LRBA: variants seen among roughly 807,000 people sequenced by gnomAD.
LRBA encodes lipopolysaccharide-responsive and beige-like anchor protein.
Under a neutral mutation model 330.0 loss-of-function variants are expected in LRBA, and 176 were observed. That is an observed-to-expected ratio of 0.53 (90% confidence interval 0.47 to 0.60). LRBA has a LOEUF of 0.60. LRBA is among the 20% of genes least tolerant of loss of function. The pLI is 0.00. For missense variants in LRBA, 3,259 were observed against 3,444.8 expected, an observed-to-expected ratio of 0.95 and a Z score of 1.35; for synonymous variants, 1,230 against 1,193.0, an observed-to-expected ratio of 1.03 and a Z score of -0.64.
intron 33 of LRBA, among the ~76,000 whole-genome samples, chr4:150,801,901 T>C (rs935031720): frequency 1.3e-5 from 2 of 152,022 alleles, no homozygotes; most frequent in African/African-American, 4.8e-5. Context: ...CAGAGTGCAG[T>C]GGCTCATGCC....
At chr4:151,003,640 A>T (rs2149657680) in intron 2 of LRBA, among the ~76,000 whole-genome samples, 1 of 151,956 alleles carries the variant, frequency 6.6e-6, no homozygotes, top group African/African-American at 2.4e-5. Context: ...ACAAAATTTT[A>T]AAATTAGCCA....
At chr4:150,671,922 T>G (rs148657979) in intron 37 of LRBA, among the ~76,000 whole-genome samples, 10 of 152,274 alleles carry the variant, frequency 6.6e-5, no homozygotes, top group African/African-American at 2.4e-4. Context: ...CAAGGCAATA[T>G]GAAGGAACTG....
intron 31 of LRBA, 140 bp from the exon 32 acceptor site, chr4:150,808,538 T>A: frequency 1.8e-6 from 1 of 562,750 alleles, no homozygotes; most frequent in Non-Finnish European, 3.1e-6. Flanking sequence ...AACATTAAAA[T>A]CTAACAATTA....
At chr4:150,443,873 T>TATATATATATATATATA (rs1491391084) in intron 44 of LRBA, among the ~76,000 whole-genome samples, 30 of 18,594 alleles carry the variant, frequency 1.6e-3, no homozygotes, top group East Asian at 4.3e-3. Context: ...TATATATATA[T>TATATATATATATATATA]TTTTTTTTTT....
chr4:150,881,454 G>A (rs1025792415), intron 17 of LRBA, among the ~76,000 whole-genome samples: 1 of 152,102 alleles, frequency 6.6e-6, no homozygotes, highest in African/African-American at 2.4e-5. Flanking sequence ...GTTATAACTA[G>A]GAGCTAAATA....
chr4:150,526,365 T>C (rs1763474500), intron 40 of LRBA, among the ~76,000 whole-genome samples: 1 of 152,210 alleles, frequency 6.6e-6, no homozygotes, highest in Non-Finnish European at 1.5e-5. Flanking sequence ...TTTCCAAACC[T>C]ATGTTTCCTT....
chr4:150,302,789 C>A lies in LRBA; in HGVS notation c.7853G>T (p.Arg2618Ile). 1 of 1,583,702 alleles carries A rather than the reference C, an allele frequency of 6.3e-7. No individual in the cohort carries two copies. Among genetic ancestry groups the A allele is most frequent in the Non-Finnish European group, 8.6e-7 (1 of 1,165,514 alleles). ...SFRVYSTDTG[R>I]LIQVVFGHWD... Reference sequence around the variant, plus strand: ...ATGGCCAAACACCACTTGGATCAATCTTCCTGTAATGCAAAACAATTTTCT... The same window carrying A: ...ATGGCCAAACACCACTTGGATCAATATTCCTGTAATGCAAAACAATTTTCT... Residue 2618 changes from arginine (R) to isoleucine (I), a missense_variant, in exon 53 of 57, where the codon AGA becomes ATA. Transcript: ENST00000651943.
chr4:150,717,622 T>G (rs1246348846), intron 36 of LRBA, among the ~76,000 whole-genome samples: 1 of 150,324 alleles, frequency 6.7e-6, no homozygotes, highest in Non-Finnish European at 1.5e-5. Flanking sequence ...ATCGCACCAC[T>G]ACATTCCAGC....
chr4:150,986,013 G>T (rs1158542420), intron 2 of LRBA, among the ~76,000 whole-genome samples: 5 of 151,884 alleles, frequency 3.3e-5, no homozygotes, highest in African/African-American at 1.2e-4. Flanking sequence ...AGAGATGGGG[G>T]TCTCACTTTG....
intron 30 of LRBA, among the ~76,000 whole-genome samples, chr4:150,827,604 C>CTT (rs1215325451): frequency 1.4e-5 from 2 of 140,126 alleles, no homozygotes; most frequent in Admixed American, 7.2e-5. Flanking sequence ...CTTTTTTTTT[C>CTT]TTTTTTTTTT....
At chr4:150,834,572 A>G (rs1470960510) in intron 28 of LRBA, among the ~76,000 whole-genome samples, 1 of 152,214 alleles carries the variant, frequency 6.6e-6, no homozygotes, top group Non-Finnish European at 1.5e-5. Context: ...TCAGTAAGCC[A>G]TGTCGTAAGC....
intron 2 of LRBA, chr4:151,013,309 T>C (rs1022697628): frequency 6.6e-6 from 1 of 152,236 alleles, no homozygotes; most frequent in Admixed American, 6.5e-5. Context: ...CCAGATTTCC[T>C]TTTGATTCTT....
intron 47 of LRBA, among the ~76,000 whole-genome samples, chr4:150,389,676 CAAA>C (rs34170088): frequency 1.2e-5 from 1 of 80,070 alleles, no homozygotes; most frequent in South Asian, 5.0e-4. Context: ...GACTCTGTCT[CAAA>C]AAAAAAAAAA....
intron 37 of LRBA, among the ~76,000 whole-genome samples, chr4:150,630,302 G>A (rs980634489): frequency 6.6e-6 from 1 of 152,110 alleles, no homozygotes; most frequent in African/African-American, 2.4e-5. Flanking sequence ...ATCCTAAAAA[G>A]ATGTGTTGAC....
intron 40 of LRBA, among the ~76,000 whole-genome samples, chr4:150,544,989 C>CT (rs1283366184): frequency 6.6e-6 from 1 of 152,124 alleles, no homozygotes; most frequent in Non-Finnish European, 1.5e-5. Context: ...ATTGTATCGC[C>CT]TGTTACCTAT....
chr4:150,864,608 C>T (rs1038014939), intron 22 of LRBA, among the ~76,000 whole-genome samples: 1 of 149,938 alleles, frequency 6.7e-6, no homozygotes, highest in Admixed American at 6.7e-5. Flanking sequence ...AGGAGGACTG[C>T]ACAGACCCCA....
chr4:150,460,758 G>A (rs777691639), intron 44 of LRBA, among the ~76,000 whole-genome samples: 3 of 151,690 alleles, frequency 2.0e-5, no homozygotes, highest in African/African-American at 7.2e-5. Context: ...ATCTAAAGAT[G>A]AAAAACAGAT....
chr4:150,533,079 G>GA (rs374442258), intron 40 of LRBA, among the ~76,000 whole-genome samples: 6 of 152,128 alleles, frequency 3.9e-5, no homozygotes, highest in African/African-American at 1.2e-4. Context: ...CTACCATCCT[G>GA]AAAAAAATGT....
intron 34 of LRBA, among the ~76,000 whole-genome samples, chr4:150,768,995 T>C (rs1408800781): frequency 7.7e-6 from 1 of 130,256 alleles, no homozygotes; most frequent in African/African-American, 2.9e-5. Context: ...TGGAGAGCAG[T>C]GGCGCAATCT....
Sources: gnomAD v4.1 joint callset for allele counts (sites outside exome capture counted in the v4.1 genomes callset) on GRCh38, gnomAD v4.1.1 for gene constraint, MANE v1.5 for transcripts, NCBI Gene and HGNC (gene_info 2026-07-23, HGNC 2026-07-21) for gene names.